DTWD2: variants seen among roughly 807,000 people sequenced by gnomAD.
The protein encoded by DTWD2 is tRNA-uridine aminocarboxypropyltransferase 2.
DTWD2 carries 39 observed loss-of-function variants against 31.8 expected under a neutral mutation model. The ratio of observed to expected loss-of-function variants is 1.22; its 90% CI spans 0.95 to 1.60. The LOEUF is 1.60. DTWD2 is among the 40% of genes most tolerant of loss of function. DTWD2 has a pLI of 0.00. For synonymous variants in DTWD2, 180 were observed against 142.8 expected (o/e 1.26, Z -1.86); for missense variants, 515 against 381.5 (o/e 1.35, Z -2.92).
intron 4 of DTWD2, among the ~76,000 whole-genome samples, chr5:118,865,998 G>C (rs978784305): frequency 2.3e-5 from 3 of 129,606 alleles, no homozygotes; most frequent in Admixed American, 7.7e-5. Flanking sequence ...GTGTCTGCGT[G>C]TGTGTGTGTG....
chr5:118,987,333 T>C (rs1755451255), intron 1 of DTWD2, among the ~76,000 whole-genome samples: 1 of 152,192 alleles, frequency 6.6e-6, no homozygotes, highest in South Asian at 2.1e-4. Flanking sequence ...CATTCTACAT[T>C]CAAGATCCTT....
At chr5:118,941,019 G>T (rs1754166243) in intron 2 of DTWD2, among the ~76,000 whole-genome samples, 1 of 152,050 alleles carries the variant, frequency 6.6e-6, no homozygotes, top group South Asian at 2.1e-4. Context: ...TTACATGTAT[G>T]TATACCTACT....
At chr5:118,941,541 G>A (rs1372593977) in intron 2 of DTWD2, among the ~76,000 whole-genome samples, 1 of 152,190 alleles carries the variant, frequency 6.6e-6, no homozygotes, top group Non-Finnish European at 1.5e-5. Flanking sequence ...GTATTCCATG[G>A]TGTATATGTG....
intron 4 of DTWD2, among the ~76,000 whole-genome samples, chr5:118,852,996 G>C (rs543397000): frequency 8.4e-4 from 128 of 152,238 alleles, no homozygotes; most frequent in African/African-American, 3.0e-3. Flanking sequence ...TCATATGTAA[G>C]TGAAAGTTAA....
chr5:118,949,038 G>T (rs941827938), intron 1 of DTWD2, among the ~76,000 whole-genome samples: 53 of 152,172 alleles, frequency 3.5e-4, no homozygotes, highest in African/African-American at 1.3e-3. Context: ...GCCGAGATAG[G>T]TAACAGATGA....
At chr5:118,849,702 A>G (rs1751952648) in intron 4 of DTWD2, among the ~76,000 whole-genome samples, 2 of 152,238 alleles carry the variant, frequency 1.3e-5, no homozygotes, top group Non-Finnish European at 2.9e-5. Flanking sequence ...AGCCATAAAA[A>G]AGGATGAGTT....
Position 118,924,287 on chromosome 5 carries a change from T to C in DTWD2, c.597+4250A>G, listed in dbSNP as rs187690888. Among the ~76,000 whole-genome samples, 10 of 152,238 alleles carry C rather than the reference T, an allele frequency of 6.6e-5. No homozygotes were observed. The East Asian group carries it at 1.9e-3, about 29-fold the overall frequency. ...ATTTCCAGTACAGGAAAGAAGTCCA[T>C]TCATAAGAGAAAATCAGACCAAAAC... On this transcript the variant is annotated intron_variant, in intron 4 of 5. Transcript: ENST00000510708.
At chr5:118,940,372 T>C in intron 2 of DTWD2, among the ~76,000 whole-genome samples, 1 of 152,224 alleles carries the variant, frequency 6.6e-6, no homozygotes, top group Non-Finnish European at 1.5e-5. Flanking sequence ...TCTAAACCTT[T>C]ATCAAAGTAA....
intron 1 of DTWD2, among the ~76,000 whole-genome samples, chr5:118,964,471 G>A (rs1048947755): frequency 4.6e-5 from 7 of 151,790 alleles, no homozygotes; most frequent in African/African-American, 7.3e-5. Flanking sequence ...CTCTATCCAC[G>A]GTCTCCCTCT....
chr5:118,867,322 G>C (rs1459833568), intron 4 of DTWD2, among the ~76,000 whole-genome samples: 2 of 151,370 alleles, frequency 1.3e-5, no homozygotes, highest in Non-Finnish European at 2.9e-5. Context: ...ATCCAAGATA[G>C]AATTACTTAC....
chr5:118,879,884 C>A (rs533141794), intron 4 of DTWD2, among the ~76,000 whole-genome samples: 1 of 152,128 alleles, frequency 6.6e-6, no homozygotes, highest in African/African-American at 2.4e-5. Flanking sequence ...ATGAAATAAT[C>A]TGTACAAAGA....
At position 118,896,634 on chromosome 5, in the gene DTWD2, T is replaced by C. The variant is rs534389678; in HGVS notation, c.597+31903A>G. Among the ~76,000 whole-genome samples the C allele has an allele frequency of 2.6e-5, 4 of 152,312 alleles. No individual in the cohort carries two copies. The East Asian group carries it at 7.7e-4, about 29-fold the overall frequency. On this transcript the variant is annotated intron_variant, in intron 4 of 5. Coordinates refer to ENST00000510708, the MANE Select transcript of DTWD2 (RefSeq NM_173666.4). ...TGGTTCAGGGACAAATTCTAAAAAC[T>C]AACACAAAGTATTTATAAAATATGT... is the stretch of plus-strand genomic sequence containing the variant.
chr5:118,967,953 A>T (rs1754891253), intron 1 of DTWD2, among the ~76,000 whole-genome samples: 1 of 152,232 alleles, frequency 6.6e-6, no homozygotes, highest in African/African-American at 2.4e-5. Context: ...CATAGTAGAA[A>T]AACACAGCAG....
chr5:118,937,906 C>G (rs1485780024), intron 3 of DTWD2, among the ~76,000 whole-genome samples: 3 of 152,136 alleles, frequency 2.0e-5, no homozygotes, highest in African/African-American at 7.2e-5. Flanking sequence ...CCTGACACAG[C>G]CATACTATAG....
chr5:118,947,381 G>A (rs1262243460), intron 1 of DTWD2, among the ~76,000 whole-genome samples: 5 of 152,284 alleles, frequency 3.3e-5, no homozygotes, highest in South Asian at 2.1e-4. Context: ...GGCTCTAAGC[G>A]GGAAGGAGAG....
At chr5:118,854,408 A>G (rs1752083794) in intron 4 of DTWD2, among the ~76,000 whole-genome samples, 1 of 152,108 alleles carries the variant, frequency 6.6e-6, no homozygotes. Context: ...ATTCAACCAG[A>G]GCAAAACTTA....
intron 1 of DTWD2, among the ~76,000 whole-genome samples, chr5:118,986,419 G>C (rs545478613): frequency 2.6e-5 from 4 of 152,256 alleles, no homozygotes; most frequent in African/African-American, 9.6e-5. Context: ...CTGCTGAAAA[G>C]TTAAACTGAG....
intron 1 of DTWD2, chr5:118,973,746 C>G: frequency 1.2e-6 from 2 of 1,604,312 alleles, no homozygotes; most frequent in Non-Finnish European, 1.7e-6. Context: ...AGTCCCTGAA[C>G]TCTCGCTTTC....
chr5:118,945,423 C>T (rs1036864902), intron 1 of DTWD2, among the ~76,000 whole-genome samples: 2 of 152,054 alleles, frequency 1.3e-5, no homozygotes, highest in African/African-American at 4.8e-5. Flanking sequence ...TATGAATAAA[C>T]ATTTGTATTT....
Sources: allele counts gnomAD v4.1 joint callset (sites outside exome capture counted in the v4.1 genomes callset), GRCh38; gene constraint gnomAD v4.1.1; transcripts MANE v1.5; gene names NCBI Gene and HGNC (gene_info 2026-07-23, HGNC 2026-07-21).